The following LRP1B variants were observed in gnomAD, a reference collection of about 807,000 sequenced individuals.
LRP1B encodes LDL receptor related protein 1B, also known as low-density lipoprotein receptor-related protein 1B.
LRP1B carries 217 observed loss-of-function variants against 556.6 expected under a neutral mutation model. That is an observed-to-expected ratio of 0.39 (90% CI 0.35 to 0.44). The LOEUF is 0.44. Ranked by LOEUF, LRP1B falls within the 20% of genes least tolerant of loss-of-function variation. The pLI is 1.00. For synonymous variants in LRP1B, 2,047 were observed against 1,865.8 expected (o/e 1.10, Z -2.50); for missense variants, 5,053 against 5,620.8 (o/e 0.90, Z 3.23).
chr2:140,242,441 T>C (rs1339772161), intron 87 of LRP1B, among the ~76,000 whole-genome samples: 1 of 151,194 alleles, frequency 6.6e-6, no homozygotes, highest in African/African-American at 2.4e-5. Context: ...ATAGGGTCTA[T>C]AAATTCAATT....
intron 2 of LRP1B, among the ~76,000 whole-genome samples, chr2:141,687,203 C>G (rs1050392499): frequency 6.6e-6 from 1 of 151,880 alleles, no homozygotes; most frequent in Non-Finnish European, 1.5e-5. Flanking sequence ...CAGTCATAAA[C>G]TTTTATGTTA....
Position 140,414,602 on chromosome 2 carries a change from G to T in LRP1B, c.10414+27902C>A, listed in dbSNP as rs1040511532. 3.3e-5 allele frequency among the ~76,000 whole-genome samples: 5 copies of T among 152,152 alleles called. No individual in the cohort carries two copies. In the East Asian group the frequency reaches 5.8e-4, roughly 18 times the overall value. ...GCGGCAGAGGAACATAAATTGCAAA[G>T]ATTTCATTTTAATATGGACATTTAT... On this transcript the variant is annotated intron_variant, in intron 66 of 90. Transcript: ENST00000389484.
At chr2:140,299,004 G>A (rs1484215428) in intron 83 of LRP1B, among the ~76,000 whole-genome samples, 1 of 152,118 alleles carries the variant, frequency 6.6e-6, no homozygotes, top group Admixed American at 6.6e-5. Flanking sequence ...ATATCACTCA[G>A]TTGACTAGCA....
At chr2:140,267,501 C>G (rs538566091) in intron 86 of LRP1B, among the ~76,000 whole-genome samples, 21 of 151,834 alleles carry the variant, frequency 1.4e-4, no homozygotes, top group African/African-American at 4.8e-4. Flanking sequence ...AATGTAAATG[C>G]TATGTAAATA....
At chr2:141,209,695 A>G (rs1388108676) in intron 6 of LRP1B, among the ~76,000 whole-genome samples, 1 of 152,206 alleles carries the variant, frequency 6.6e-6, no homozygotes, top group Non-Finnish European at 1.5e-5. Flanking sequence ...AAGGAACACA[A>G]GGAAATGGCA....
chr2:141,150,869 TTGTGTGTGTG>T lies in LRP1B; in HGVS notation c.1013+37542_1013+37551del, dbSNP rs56107003. ...ATGGCCTTCATATTGTCATGCTGGTTTGTGTGTGTGTGTGTGTGTGTGTGTGTGTGTGTGT... is the reference window on the plus strand; with the variant it reads ...ATGGCCTTCATATTGTCATGCTGGTTTGTGTGTGTGTGTGTGTGTGTGTGT... On this transcript the variant is annotated intron_variant, in intron 7 of 90. Transcript: ENST00000389484. Among the ~76,000 whole-genome samples the T allele has an allele frequency of 6.2e-3, 860 of 138,716 alleles. 13 individuals carry two copies. The highest frequency in any genetic ancestry group is 0.052 in the South Asian group (218 of 4,206). The allele number at this position is 138,716 out of a possible 152,430, so 91.0% of individuals were successfully genotyped here.
intron 66 of LRP1B, among the ~76,000 whole-genome samples, chr2:140,423,729 G>A (rs995800553): frequency 7.9e-5 from 12 of 152,014 alleles, no homozygotes; most frequent in African/African-American, 2.4e-4. Flanking sequence ...AGAGCTTGAG[G>A]AATGTATCTA....
At chr2:141,622,524 G>T (rs151208982) in intron 2 of LRP1B, among the ~76,000 whole-genome samples, 32 of 152,242 alleles carry the variant, frequency 2.1e-4, no homozygotes, top group African/African-American at 7.2e-4. Flanking sequence ...CTTAGAAACT[G>T]CCCTTTGAAC....
intron 3 of LRP1B, among the ~76,000 whole-genome samples, chr2:141,433,880 G>A (rs974186437): frequency 8.0e-5 from 12 of 149,832 alleles, no homozygotes; most frequent in Middle Eastern, 3.8e-3. Context: ...CTCACCTTCT[G>A]CTATTCTCAG....
At chr2:140,919,493 T>A (rs1694675575) in intron 21 of LRP1B, among the ~76,000 whole-genome samples, 1 of 152,048 alleles carries the variant, frequency 6.6e-6, no homozygotes, top group Admixed American at 6.6e-5. Flanking sequence ...AACTCTCCTT[T>A]CAAAAGCAAA....
chr2:140,961,281 A>G (rs2105315153), intron 18 of LRP1B, among the ~76,000 whole-genome samples: 1 of 152,156 alleles, frequency 6.6e-6, no homozygotes, highest in South Asian at 2.1e-4. Flanking sequence ...GTCAAAAGAA[A>G]TTTACCACTA....
intron 10 of LRP1B, 60 bp from the exon 11 acceptor site, chr2:141,049,282 A>G (rs1698968862): frequency 9.4e-7 from 1 of 1,065,066 alleles, no homozygotes; most frequent in South Asian, 1.3e-5. Flanking sequence ...TTTACACTGC[A>G]TAATGCCACC....
intron 3 of LRP1B, among the ~76,000 whole-genome samples, chr2:141,427,155 C>G (rs1011206459): frequency 1.3e-5 from 2 of 152,154 alleles, no homozygotes; most frequent in Admixed American, 1.3e-4. Flanking sequence ...TCTTTACTCT[C>G]AACCAAAAGC....
chr2:140,420,436 A>C (rs2105264678), intron 66 of LRP1B, among the ~76,000 whole-genome samples: 1 of 152,344 alleles, frequency 6.6e-6, no homozygotes, highest in African/African-American at 2.4e-5. Context: ...GTGGAAATGT[A>C]AAATTGCACA....
At chr2:141,113,344 C>G (rs934695607) in intron 7 of LRP1B, among the ~76,000 whole-genome samples, 18 of 152,056 alleles carry the variant, frequency 1.2e-4, no homozygotes, top group Admixed American at 6.6e-5. Flanking sequence ...CACTAAAAAG[C>G]TTTCTTAAAT....
chr2:141,003,647 A>G (rs1037096943), intron 15 of LRP1B, among the ~76,000 whole-genome samples: 2 of 151,958 alleles, frequency 1.3e-5, no homozygotes, highest in Non-Finnish European at 2.9e-5. Context: ...CCTGCCTTCC[A>G]TCATGCTTGT....
At chr2:141,399,576 A>G (rs4292040) in intron 3 of LRP1B, among the ~76,000 whole-genome samples, 130,286 of 152,110 alleles carry the variant, frequency 0.86, 57,477 homozygotes, top group East Asian at 1. Flanking sequence ...TAACAGAACT[A>G]ATATAACTAT....
At chr2:141,938,734 T>G (rs528491401) in intron 1 of LRP1B, among the ~76,000 whole-genome samples, 1 of 147,186 alleles carries the variant, frequency 6.8e-6, no homozygotes, top group East Asian at 2.0e-4. Context: ...GTTATATATA[T>G]CACTAATCTC....
chr2:141,717,247 A>T (rs1692639069), intron 2 of LRP1B, among the ~76,000 whole-genome samples: 1 of 152,216 alleles, frequency 6.6e-6, no homozygotes, highest in African/African-American at 2.4e-5. Context: ...TATTAATATG[A>T]TTCTGTACCA....
Sources: gnomAD v4.1 joint callset for allele counts (sites outside exome capture counted in the v4.1 genomes callset) on GRCh38, gnomAD v4.1.1 for gene constraint, MANE v1.5 for transcripts, NCBI Gene and HGNC (gene_info 2026-07-23, HGNC 2026-07-21) for gene names.